Variants in CASK observed in about 807,000 individuals in gnomAD.
CASK encodes calcium/calmodulin dependent serine protein kinase.
In CASK, 4 loss-of-function variants were observed where a neutral mutation model predicts 82.9. The ratio of observed to expected loss-of-function variants is 0.05; its 90% CI spans 0.02 to 0.11. The LOEUF (loss-of-function observed/expected upper bound fraction) is 0.11, where lower values mean the gene tolerates loss of function less well. CASK is among the 10% of genes least tolerant of loss of function. CASK has a pLI of 1.00. For synonymous variants in CASK, 259 were observed against 253.5 expected (o/e 1.02, Z -0.20); for missense variants, 358 against 720.9 (o/e 0.50, Z 5.76).
intron 5 of CASK, among the ~76,000 whole-genome samples, chrX:41,725,386 C>T (rs778387168): frequency 1.8e-5 from 2 of 110,832 alleles, no homozygotes; most frequent in South Asian, 7.6e-4. Context: ...CCCTGAGGGG[C>T]TGGGGGGATA....
intron 2 of CASK, among the ~76,000 whole-genome samples, chrX:41,817,886 T>A (rs1278487741): frequency 9.0e-6 from 1 of 111,153 alleles, no homozygotes; most frequent in Non-Finnish European, 1.9e-5. Context: ...ATATGAGAGA[T>A]ACAAATAAAA....
At chrX:41,906,102 A>T (rs1340226751) in intron 1 of CASK, among the ~76,000 whole-genome samples, 1 of 112,277 alleles carries the variant, frequency 8.9e-6, no homozygotes, top group Non-Finnish European at 1.9e-5. Flanking sequence ...TTAGCACTAA[A>T]AGAAAATATG....
chrX:41,520,861 T>A (rs761099941), intron 26 of CASK, among the ~76,000 whole-genome samples: 1 of 111,887 alleles, frequency 8.9e-6, no homozygotes, highest in Non-Finnish European at 1.9e-5. Context: ...TCAGGAAACA[T>A]GCCACCCCCA....
chrX:41,736,535 A>C (rs2068503146), intron 5 of CASK, among the ~76,000 whole-genome samples: 1 of 111,570 alleles, frequency 9.0e-6, no homozygotes, highest in Admixed American at 9.5e-5. Flanking sequence ...AAACAAACAA[A>C]AAACAAACAA....
At chrX:41,850,011 T>C (rs1435211536) in intron 2 of CASK, among the ~76,000 whole-genome samples, 1 of 111,159 alleles carries the variant, frequency 9.0e-6, no homozygotes, top group African/African-American at 3.3e-5. Flanking sequence ...AAACCTCATC[T>C]CTACAAAAAA....
intron 12 of CASK, among the ~76,000 whole-genome samples, chrX:41,609,437 A>T (rs922570217): frequency 3.6e-5 from 4 of 111,971 alleles, no homozygotes; most frequent in Non-Finnish European, 7.5e-5. Context: ...TCAATCATGA[A>T]TTTTTGATGG....
intron 15 of CASK, 150 bp downstream of exon 15, chrX:41,578,190 G>GA (rs2065510441): frequency 2.3e-6 from 1 of 442,707 alleles, no homozygotes; most frequent in Admixed American, 3.9e-5. Context: ...AAGAAGGGCA[G>GA]GGGGGAACTG....
chrX:41,691,568 T>C (rs764604142), intron 5 of CASK, among the ~76,000 whole-genome samples: 2 of 110,722 alleles, frequency 1.8e-5, no homozygotes, highest in Admixed American at 1.9e-4. Flanking sequence ...ATTTAAGAGT[T>C]GTGTGGCCTG....
At chrX:41,743,856 C>G (rs1399354480) in intron 4 of CASK, 3 of 273,650 alleles carry the variant, frequency 1.1e-5, no homozygotes, top group African/African-American at 5.6e-5. Context: ...GCCTACAATC[C>G]AAGCACTTTG....
intron 16 of CASK, among the ~76,000 whole-genome samples, chrX:41,569,060 G>T (rs1304735220): frequency 8.9e-6 from 1 of 111,858 alleles, no homozygotes; most frequent in Non-Finnish European, 1.9e-5. Flanking sequence ...CAGAATGACT[G>T]CACTCACCAT....
At chrX:41,607,369 C>A (rs181538118) in intron 12 of CASK, among the ~76,000 whole-genome samples, 1 of 112,233 alleles carries the variant, frequency 8.9e-6, no homozygotes, top group Admixed American at 9.5e-5. Flanking sequence ...TACAAAAAGT[C>A]TTTGTTACAA....
chrX:41,723,881 C>T (rs1161567859), intron 5 of CASK, among the ~76,000 whole-genome samples: 1 of 112,222 alleles, frequency 8.9e-6, no homozygotes, highest in African/African-American at 3.2e-5. Context: ...TGGGTTACTA[C>T]AGAGTGGCTC....
At chrX:41,801,938 A>G (rs5918247) in intron 2 of CASK, among the ~76,000 whole-genome samples, 18,889 of 110,321 alleles carry the variant, frequency 0.17, 1,469 homozygotes, top group Middle Eastern at 0.3. Flanking sequence ...CCTAATACAC[A>G]TACCCTTAGC....
At chrX:41,603,146 A>G (rs2065915577) in intron 12 of CASK, among the ~76,000 whole-genome samples, 1 of 112,382 alleles carries the variant, frequency 8.9e-6, no homozygotes, top group African/African-American at 3.2e-5. Context: ...ATTTAAATGC[A>G]AATTGGCTGG....
intron 5 of CASK, among the ~76,000 whole-genome samples, chrX:41,681,107 G>A (rs1044950135): frequency 6.3e-5 from 7 of 111,070 alleles, no homozygotes; most frequent in African/African-American, 2.3e-4. Flanking sequence ...TTGGAGATTC[G>A]TAACAATTTG....
intron 1 of CASK, among the ~76,000 whole-genome samples, chrX:41,857,181 C>T (rs747255531): frequency 5.4e-5 from 6 of 110,890 alleles, no homozygotes; most frequent in Non-Finnish European, 1.1e-4. Context: ...GCACTATTAA[C>T]ATTTTGAGCT....
chrX:41,751,621 C>A (rs1201540626), intron 3 of CASK, among the ~76,000 whole-genome samples: 2 of 110,402 alleles, frequency 1.8e-5, no homozygotes, highest in African/African-American at 3.3e-5. Flanking sequence ...TGCTTTTGCA[C>A]CAGGGTGATC....
chrX:41,876,690 T>C (rs949158250), intron 1 of CASK, among the ~76,000 whole-genome samples: 1 of 112,174 alleles, frequency 8.9e-6, no homozygotes, highest in African/African-American at 3.2e-5. Context: ...ATGGTTACTT[T>C]AAAAACAATT....
chrX:41,633,002 C>G (rs1235419235), intron 9 of CASK, among the ~76,000 whole-genome samples: 14 of 100,120 alleles, frequency 1.4e-4, no homozygotes, highest in African/African-American at 5.2e-4. Context: ...GAGATTGCGC[C>G]ACTGCACTCT....
Sources: allele counts gnomAD v4.1 joint callset (sites outside exome capture counted in the v4.1 genomes callset), GRCh38; gene constraint gnomAD v4.1.1; transcripts MANE v1.5; gene names NCBI Gene and HGNC (gene_info 2026-07-23, HGNC 2026-07-21).